The following LYPLAL1 variants were observed in gnomAD, a reference collection of about 807,000 sequenced individuals.
LYPLAL1 encodes the protein lysophospholipase like 1.
Under a neutral mutation model 19.7 loss-of-function variants are expected in LYPLAL1, and 23 were observed. The ratio of observed to expected loss-of-function variants is 1.17; its 90% CI spans 0.84 to 1.65. LYPLAL1 has a LOEUF of 1.65. Among genes scored for constraint, LYPLAL1 ranks in the 40% most tolerant of loss-of-function variants. LYPLAL1 has a pLI of 0.00. For synonymous variants in LYPLAL1, 119 were observed against 96.3 expected (o/e 1.24, Z -1.38); for missense variants, 355 against 279.4 (o/e 1.27, Z -1.93).
the LYPLAL1 span, among the ~76,000 whole-genome samples, chr1:219,265,897 TAAC>T: frequency 1.3e-5 from 2 of 152,080 alleles, no homozygotes; most frequent in Admixed American, 6.6e-5. Context: ...TACAGTATAA[TAAC>T]ATAAAAAATG....
the LYPLAL1 span, among the ~76,000 whole-genome samples, chr1:219,347,831 A>G: frequency 3.3e-5 from 5 of 151,584 alleles, no homozygotes; most frequent in East Asian, 1.9e-4. Flanking sequence ...CTTCTTTTTC[A>G]CAAAAGGCTC....
the LYPLAL1 span, among the ~76,000 whole-genome samples, chr1:219,353,836 A>T: frequency 6.6e-6 from 1 of 152,210 alleles, no homozygotes; most frequent in Non-Finnish European, 1.5e-5. Context: ...ATGACCGAGA[A>T]ATTGAAATTA....
the LYPLAL1 span, chr1:219,222,710 CTTT>C: frequency 6.6e-6 from 1 of 152,278 alleles, no homozygotes; most frequent in South Asian, 2.1e-4. Context: ...GTGTGTCGCT[CTTT>C]AACTGTCTTA....
chr1:219,247,601 C>T, the LYPLAL1 span, among the ~76,000 whole-genome samples: 1 of 152,196 alleles, frequency 6.6e-6, no homozygotes, highest in Non-Finnish European at 1.5e-5. Context: ...CTCTGCTTCT[C>T]CAGCTTTGCA....
At chr1:219,175,319 G>A (rs1655724630) in intron 1 of LYPLAL1, among the ~76,000 whole-genome samples, 1 of 152,080 alleles carries the variant, frequency 6.6e-6, no homozygotes, top group Admixed American at 6.5e-5. Flanking sequence ...GGGAAAGACG[G>A]CATATATTTA....
chr1:219,296,688 G>T, the LYPLAL1 span, among the ~76,000 whole-genome samples: 5 of 152,210 alleles, frequency 3.3e-5, 1 homozygote, highest in South Asian at 6.2e-4. Context: ...TGATTTAAAA[G>T]GTTCAAACAG....
chr1:219,197,868 A>G (rs1465865972), intron 3 of LYPLAL1, among the ~76,000 whole-genome samples: 1 of 152,014 alleles, frequency 6.6e-6, no homozygotes, highest in African/African-American at 2.4e-5. Context: ...AGTTAAACAC[A>G]CATATAAAAA....
chr1:219,315,919 A>G, the LYPLAL1 span, among the ~76,000 whole-genome samples: 7 of 152,224 alleles, frequency 4.6e-5, no homozygotes, highest in Non-Finnish European at 8.8e-5. Context: ...CAATGTGGAT[A>G]GCTAAATATT....
the LYPLAL1 span, among the ~76,000 whole-genome samples, chr1:219,444,435 C>G: frequency 2.0e-5 from 3 of 152,330 alleles, no homozygotes; most frequent in South Asian, 4.1e-4. Flanking sequence ...TTACCTCCCT[C>G]CCTTGTCTCA....
rs72730750 is a variant in LYPLAL1, at chr1:219,203,168, G to A, written c.362-7364G>A. Among the ~76,000 whole-genome samples, 776 of 152,222 alleles carry A rather than the reference G, an allele frequency of 5.1e-3. 7 individuals are homozygous for A. The highest frequency in any genetic ancestry group is 8.6e-3 in the Non-Finnish European group (583 of 68,004). On this transcript the variant is annotated intron_variant, in intron 3 of 4. Transcript: ENST00000366928. The stretch of plus-strand genomic sequence containing the variant: ...CTAATGGGACCCAATCTCTGAGAGT[G>A]TAGTTGTGTTTGTGTAACTTTATAA...
At chr1:219,369,316 G>T in the LYPLAL1 span, among the ~76,000 whole-genome samples, 1 of 152,214 alleles carries the variant, frequency 6.6e-6, no homozygotes. Flanking sequence ...CTGTCACCCA[G>T]GCTGGAGTGC....
the LYPLAL1 span, among the ~76,000 whole-genome samples, chr1:219,265,992 G>A: frequency 6.6e-6 from 1 of 152,076 alleles, no homozygotes; most frequent in Non-Finnish European, 1.5e-5. Context: ...TGAATGGTAA[G>A]TGAACATAAA....
chr1:219,317,219 T>C, the LYPLAL1 span, among the ~76,000 whole-genome samples: 1 of 152,326 alleles, frequency 6.6e-6, no homozygotes, highest in African/African-American at 2.4e-5. Context: ...TCATGCATTC[T>C]CCATTGCTTC....
At chr1:219,434,675 G>C in the LYPLAL1 span, among the ~76,000 whole-genome samples, 1 of 152,180 alleles carries the variant, frequency 6.6e-6, no homozygotes, top group Admixed American at 6.5e-5. Context: ...TGAATGATCA[G>C]CACCACTTCA....
At chr1:219,371,888 C>T in the LYPLAL1 span, among the ~76,000 whole-genome samples, 1 of 152,198 alleles carries the variant, frequency 6.6e-6, no homozygotes, top group Non-Finnish European at 1.5e-5. Context: ...TTTAATTTGT[C>T]TAAGGTTTTT....
chr1:219,284,576 A>C, the LYPLAL1 span, among the ~76,000 whole-genome samples: 1 of 152,374 alleles, frequency 6.6e-6, no homozygotes, highest in South Asian at 2.1e-4. Flanking sequence ...TAAATTAAAA[A>C]AAGAAAGAAT....
chr1:219,294,713 GCTCAGGTTC>G, the LYPLAL1 span, among the ~76,000 whole-genome samples: 3 of 152,184 alleles, frequency 2.0e-5, no homozygotes, highest in African/African-American at 4.8e-5. Context: ...CCTTCCCACA[GCTCAGGTTC>G]CTGAGGCACA....
At chr1:219,286,292 A>G in the LYPLAL1 span, among the ~76,000 whole-genome samples, 2 of 152,182 alleles carry the variant, frequency 1.3e-5, no homozygotes, top group East Asian at 3.9e-4. Flanking sequence ...CTAATTGGCA[A>G]GTTACTATTT....
At chr1:219,312,253 G>A in the LYPLAL1 span, among the ~76,000 whole-genome samples, 2 of 152,150 alleles carry the variant, frequency 1.3e-5, no homozygotes, top group Non-Finnish European at 1.5e-5. Flanking sequence ...GAGGGTCAGG[G>A]GCTGTAGAGG....
Sources: allele counts gnomAD v4.1 joint callset (sites outside exome capture counted in the v4.1 genomes callset), GRCh38; gene constraint gnomAD v4.1.1; transcripts MANE v1.5; gene names NCBI Gene and HGNC (gene_info 2026-07-23, HGNC 2026-07-21).